Variants in DUSP15 observed in about 807,000 individuals in gnomAD.
DUSP15 encodes the protein dual specificity protein phosphatase 15.
DUSP15 carries 23 observed loss-of-function variants against 26.3 expected under a neutral mutation model. That is an observed-to-expected ratio of 0.87 (90% confidence interval 0.63 to 1.24). DUSP15 has a LOEUF of 1.24. Ranked by LOEUF, DUSP15 falls within the 50% of genes most tolerant of loss-of-function variation. The pLI is 0.00. For synonymous variants in DUSP15, 143 were observed against 135.5 expected (o/e 1.06, Z -0.39); for missense variants, 364 against 320.6 (o/e 1.14, Z -1.03).
downstream of DUSP15, chr20:31,845,622 G>A (rs550780074): frequency 6.5e-7 from 1 of 1,543,242 alleles, no homozygotes; most frequent in Non-Finnish European, 8.8e-7. Context: ...AGCCTGCCCA[G>A]GCTGGTTAAA....
exon 10 of DUSP15, chr20:31,848,304 C>T: frequency 5.9e-6 from 8 of 1,363,158 alleles, no homozygotes; most frequent in South Asian, 1.4e-5. Flanking sequence ...CTCTGCCGTC[C>T]GGCAGACCTG....
intron 1 of DUSP15, 193 bp from the exon 2 acceptor site, chr20:31,869,790 T>C: frequency 6.9e-7 from 1 of 1,440,536 alleles, no homozygotes; most frequent in South Asian, 1.5e-5. Context: ...GAGGGTAGGC[T>C]AGGGGGCCAG....
Position 31,861,179 on chromosome 20 carries a change from G to A in DUSP15, c.*224C>T. On this transcript the variant is annotated 3_prime_UTR_variant, in exon 7 of 7. Coordinates refer to ENST00000339738, the MANE Select transcript of DUSP15 (RefSeq NM_080611.5). The stretch of plus-strand genomic sequence containing the variant: ...GGGTGGGCCCCCTCCCCCAGCCCAA[G>A]GACTAAGGCACCAGGTGGCTGCAGC... 7.5e-7 allele frequency: 1 copy of A among 1,333,348 alleles called. No homozygotes were observed. Among genetic ancestry groups the A allele is most frequent in the Non-Finnish European group, 9.5e-7 (1 of 1,048,082 alleles). The allele number at this position is 1,333,348 out of a possible 1,614,324, so 82.6% of individuals were successfully genotyped here.
chr20:31,850,544 TG>T, intron 7 of DUSP15: 1 of 1,490,796 alleles, frequency 6.7e-7, no homozygotes. Context: ...AGAGGTGGGC[TG>T]GCCCCACCCC....
At chr20:31,855,176 C>T (rs2062540739) in intron 6 of DUSP15, among the ~76,000 whole-genome samples, 1 of 152,164 alleles carries the variant, frequency 6.6e-6, no homozygotes, top group African/African-American at 2.4e-5. Context: ...TGGCACTAAA[C>T]AGACTGTAAA....
rs967563723 is a variant in DUSP15 at position 31,861,272 on chromosome 20, GCGCGGGAGGCAGGGTTCAGGCCGC to G, written c.*107_*130del. ...CTGCAGACGCGGACGAGCAGGGCGG[GCGCGGGAGGCAGGGTTCAGGCCGC>G]CGCGGGGCTCCCCCAGCCTCTGGGC... is the stretch of plus-strand genomic sequence containing the variant. On this transcript the variant is annotated 3_prime_UTR_variant, in exon 7 of 7. Coordinates refer to ENST00000339738, the MANE Select transcript of DUSP15 (RefSeq NM_080611.5). 11 of 1,364,112 alleles carry G rather than the reference GCGCGGGAGGCAGGGTTCAGGCCGC, an allele frequency of 8.1e-6. No homozygotes were observed. Among genetic ancestry groups the G allele is most frequent in the Non-Finnish European group, 9.4e-6 (10 of 1,065,466 alleles). 84.5% of individuals were successfully genotyped at this position (1,364,112 alleles called of 1,614,324 possible).
intron 6 of DUSP15, among the ~76,000 whole-genome samples, chr20:31,851,569 G>A (rs1037397403): frequency 1.3e-5 from 2 of 152,230 alleles, no homozygotes; most frequent in Admixed American, 1.3e-4. Flanking sequence ...GCAGATGGAG[G>A]GAGGGCTGCA....
chr20:31,867,573 C>T (rs778218307), intron 2 of DUSP15, among the ~76,000 whole-genome samples: 18 of 149,968 alleles, frequency 1.2e-4, no homozygotes, highest in Non-Finnish European at 1.2e-4. Flanking sequence ...CATACTTTGG[C>T]ACAGTGTGCC....
chr20:31,863,856 G>C (rs748846166), intron 5 of DUSP15, 51 bp downstream of exon 5: 3 of 1,558,718 alleles, frequency 1.9e-6, no homozygotes, highest in Non-Finnish European at 2.7e-6. Flanking sequence ...TTCAGCAGAG[G>C]GCACAGCCAC....
chr20:31,861,645 C>G lies in DUSP15; in HGVS notation c.466G>C (p.Glu156Gln), dbSNP rs561330207. 175 of 1,481,736 alleles carry G rather than the reference C, an allele frequency of 1.2e-4. No homozygotes were observed. In the African/African-American group the frequency reaches 2.2e-3, roughly 18 times the overall value. The allele number at this position is 1,481,736 out of a possible 1,614,324, so 91.8% of individuals were successfully genotyped here. A position where few individuals can be genotyped will look rare whatever the true frequency, so the allele number is the denominator to read the frequency against. Residue 156 changes from glutamate (E) to glutamine (Q), a missense_variant, in exon 7 of 7, where the codon GAG becomes CAG. Glu to Gln is a conservative substitution (Grantham distance 29, BLOSUM62 2). Coordinates refer to ENST00000339738, the MANE Select transcript of DUSP15 (RefSeq NM_080611.5). ...TCCTCCTCGTCGCGGAAGGGGCTCT[C>G]GCCGAAGCGCTCCTCCAGCTGCCGG... is the stretch of plus-strand genomic sequence containing the variant. ...LRRQLEERFG[E>Q]SPFRDEEELR... is the part of the protein sequence containing the mutation.
rs986745185 is a variant in DUSP15 at position 31,852,998 on chromosome 20, G to T, written c.427-2322C>A. Among the ~76,000 whole-genome samples, 3 of 146,316 alleles carry T rather than the reference G, an allele frequency of 2.1e-5. No homozygotes were observed. The East Asian group carries it at 5.8e-4, about 28-fold the overall frequency. ...CTGGAGGATTGGGGATGGGGGCCTT[G>T]GGGGGGCATTTGGGGAGGAATAGCT... On this transcript the variant is annotated intron_variant, in intron 6 of 9. Coordinates refer to the DUSP15 transcript ENST00000278979.
chr20:31,850,774 A>G (rs1028226960), intron 6 of DUSP15: 1 of 1,282,504 alleles, frequency 7.8e-7, no homozygotes, highest in African/African-American at 1.5e-5. Flanking sequence ...GGGTGAGGAG[A>G]CCCAGTCCTT....
chr20:31,870,364 A>T lies in DUSP15; in HGVS notation c.-27T>A. 1 of 1,274,918 alleles carries T rather than the reference A, an allele frequency of 7.8e-7. No individual in the cohort carries two copies. The highest frequency in any genetic ancestry group is 3.3e-5 in the Admixed American group (1 of 30,716). The allele number at this position is 1,274,918 out of a possible 1,614,324, so 79.0% of individuals were successfully genotyped here. The stretch of plus-strand genomic sequence containing the variant: ...ATCCCGGGGGCGGCGGTCCGGGTGC[A>T]CCCCCAGCTCGCCGCCCGGGAAGCG... On this transcript the variant is annotated 5_prime_UTR_variant, in exon 1 of 7. Transcript: ENST00000339738. The surrounding 1 kb of genome is among the most constrained non-coding windows in gnomAD (Gnocchi z 6.6).
chr20:31,868,867 A>G (rs971428972), intron 2 of DUSP15, among the ~76,000 whole-genome samples: 1 of 152,236 alleles, frequency 6.6e-6, no homozygotes, highest in Non-Finnish European at 1.5e-5. Flanking sequence ...AAGCCCCTGA[A>G]GAACAAGGTA....
chr20:31,861,333 G>A lies in DUSP15; in HGVS notation c.*70C>T, dbSNP rs1239435459. 7.7e-6 allele frequency: 11 copies of A among 1,423,434 alleles called. 1 individual carries two copies. Among genetic ancestry groups the A allele is most frequent in the Non-Finnish European group, 4.6e-6 (5 of 1,092,682 alleles). The allele number at this position is 1,423,434 out of a possible 1,614,324, so 88.2% of individuals were successfully genotyped here. On this transcript the variant is annotated 3_prime_UTR_variant, in exon 7 of 7. Coordinates refer to ENST00000339738, the MANE Select transcript of DUSP15 (RefSeq NM_080611.5). ...CCCAGCCTCTGGGCCCGTCCTGGGG[G>A]GCGTGGAAGGCGCAGACAGCCCCCG... is the stretch of plus-strand genomic sequence containing the variant.
At position 31,870,293 on chromosome 20, in the gene DUSP15, G is replaced by A; in HGVS notation, c.21+24C>T. On this transcript the variant is annotated intron_variant, in intron 1 of 6. Coordinates refer to ENST00000339738, the MANE Select transcript of DUSP15 (RefSeq NM_080611.5). This position sits in a 1 kb window ranked among gnomAD's most constrained non-coding sequence, Gnocchi z 6.6. Reference sequence around the variant, plus strand: ...CGGCGGCCGGGGCGGGGACCGGGGAGGCTGCGCGGGGCCCGCCCCCTACCT... The same window carrying A: ...CGGCGGCCGGGGCGGGGACCGGGGAAGCTGCGCGGGGCCCGCCCCCTACCT... The A allele has an allele frequency of 1.6e-6, 2 of 1,231,926 alleles. No homozygotes were observed. Among genetic ancestry groups the A allele is most frequent in the Non-Finnish European group, 2.0e-6 (2 of 987,516 alleles). 76.3% of individuals were successfully genotyped at this position (1,231,926 alleles called of 1,614,324 possible).
chr20:31,866,983 G>T (rs914681855), intron 3 of DUSP15, 88 bp downstream of exon 3: 1 of 1,269,524 alleles, frequency 7.9e-7, no homozygotes, highest in Non-Finnish European at 1.1e-6. Flanking sequence ...CAAGAAGGAA[G>T]CATAGCACCT....
intron 5 of DUSP15, 24 bp downstream of exon 5, chr20:31,863,883 C>T: frequency 6.2e-7 from 1 of 1,611,292 alleles, no homozygotes; most frequent in Non-Finnish European, 8.5e-7. Context: ...CCTCCCCCAC[C>T]TTATCCCCCT....
downstream of DUSP15, among the ~76,000 whole-genome samples, chr20:31,859,624 T>C (rs1217495827): frequency 6.6e-6 from 1 of 152,226 alleles, no homozygotes; most frequent in Non-Finnish European, 1.5e-5. Flanking sequence ...GAATATCAGA[T>C]CAGTCCTATA....
Sources: allele counts gnomAD v4.1 joint callset (sites outside exome capture counted in the v4.1 genomes callset), GRCh38; gene constraint gnomAD v4.1.1; non-coding constraint Gnocchi (gnomAD v3.1); transcripts MANE v1.5; gene names NCBI Gene and HGNC (gene_info 2026-07-23, HGNC 2026-07-21).